CNBD1: variants seen among roughly 807,000 people sequenced by gnomAD.
The protein encoded by CNBD1 is cyclic nucleotide binding domain containing 1.
CNBD1 carries 71 observed loss-of-function variants against 54.4 expected under a neutral mutation model. That is an observed-to-expected ratio of 1.30 (90% confidence interval 1.08 to 1.59). The LOEUF (loss-of-function observed/expected upper bound fraction) is 1.59. CNBD1 is among the 40% of genes most tolerant of loss of function. The pLI is 0.00. For synonymous variants in CNBD1, 182 were observed against 170.7 expected, an observed-to-expected ratio of 1.07 and a Z score of -0.51; for missense variants, 659 against 518.0, an observed-to-expected ratio of 1.27 and a Z score of -2.64.
intron 1 of CNBD1, among the ~76,000 whole-genome samples, chr8:86,883,768 G>C (rs1808637598): frequency 6.6e-6 from 1 of 152,134 alleles, no homozygotes; most frequent in African/African-American, 2.4e-5. Context: ...AGTAAATTTG[G>C]GTTGGGGAAA....
chr8:87,087,262 C>A (rs1274423105), intron 4 of CNBD1, among the ~76,000 whole-genome samples: 1 of 135,102 alleles, frequency 7.4e-6, no homozygotes, highest in East Asian at 2.1e-4. Flanking sequence ...TATATATATA[C>A]ATATATATAT....
intron 4 of CNBD1, among the ~76,000 whole-genome samples, chr8:87,127,072 C>A (rs1812008334): frequency 6.6e-6 from 1 of 151,748 alleles, no homozygotes; most frequent in South Asian, 2.1e-4. Flanking sequence ...CTTACCATAG[C>A]TTTATAATAA....
chr8:87,206,982 A>G (rs1045006885), intron 5 of CNBD1, among the ~76,000 whole-genome samples: 4 of 152,070 alleles, frequency 2.6e-5, no homozygotes, highest in African/African-American at 9.7e-5. Flanking sequence ...GACATTTAAA[A>G]CTTAACTGGA....
chr8:87,326,788 C>G (rs1586015869), intron 8 of CNBD1, among the ~76,000 whole-genome samples: 1 of 111,934 alleles, frequency 8.9e-6, no homozygotes, highest in African/African-American at 3.3e-5. Flanking sequence ...TCATCTGAAG[C>G]CTTCTTCTCT....
intron 2 of CNBD1, among the ~76,000 whole-genome samples, chr8:87,414,862 G>T (rs911742434): frequency 6.6e-6 from 1 of 151,972 alleles, no homozygotes; most frequent in South Asian, 2.1e-4. Context: ...TTGTTTGAAT[G>T]GAGAATCCAT....
intron 1 of CNBD1, among the ~76,000 whole-genome samples, chr8:86,885,026 A>C (rs1808661291): frequency 6.6e-6 from 1 of 152,158 alleles, no homozygotes; most frequent in Non-Finnish European, 1.5e-5. Flanking sequence ...AATTGTGGCT[A>C]TGTATTTACA....
intron 4 of CNBD1, among the ~76,000 whole-genome samples, chr8:87,075,230 G>A (rs772071552): frequency 2.0e-5 from 3 of 152,120 alleles, no homozygotes; most frequent in Non-Finnish European, 2.9e-5. Flanking sequence ...CATATAGGAT[G>A]CCCATATGTT....
intron 2 of CNBD1, among the ~76,000 whole-genome samples, chr8:87,414,847 G>T (rs761453902): frequency 2.2e-4 from 33 of 151,972 alleles, no homozygotes; most frequent in Admixed American, 8.5e-4. Flanking sequence ...GCTGCTTGAG[G>T]TATGTTGTTT....
At chr8:87,211,258 T>C (rs1346382981) in intron 5 of CNBD1, among the ~76,000 whole-genome samples, 1 of 152,158 alleles carries the variant, frequency 6.6e-6, no homozygotes, top group African/African-American at 2.4e-5. Flanking sequence ...AATAGTACTT[T>C]TTGATTTTAT....
At chr8:87,078,665 G>A (rs1161814427) in intron 4 of CNBD1, among the ~76,000 whole-genome samples, 3 of 152,156 alleles carry the variant, frequency 2.0e-5, no homozygotes, top group Non-Finnish European at 4.4e-5. Context: ...GAGTCTTGAT[G>A]GCTTTGGCTC....
At chr8:86,876,244 TC>T (rs1319125043) in intron 1 of CNBD1, among the ~76,000 whole-genome samples, 8 of 151,788 alleles carry the variant, frequency 5.3e-5, no homozygotes, top group African/African-American at 1.9e-4. Flanking sequence ...TTGAGATTAT[TC>T]CCCATTTTTT....
chr8:87,337,533 C>G (rs748088386), intron 8 of CNBD1, among the ~76,000 whole-genome samples: 2 of 152,210 alleles, frequency 1.3e-5, no homozygotes, highest in Admixed American at 6.5e-5. Flanking sequence ...TGGCTTAGGC[C>G]AATTCTAGCT....
intron 4 of CNBD1, among the ~76,000 whole-genome samples, chr8:87,025,539 C>G (rs1809623514): frequency 6.6e-6 from 1 of 151,440 alleles, no homozygotes; most frequent in Non-Finnish European, 1.5e-5. Flanking sequence ...CAGCTTTACT[C>G]TTGAAATCAG....
intron 4 of CNBD1, among the ~76,000 whole-genome samples, chr8:86,988,926 T>C (rs1372173700): frequency 6.6e-6 from 1 of 152,152 alleles, no homozygotes; most frequent in East Asian, 1.9e-4. Context: ...TTTTTGTTGA[T>C]GGATAATTAG....
At chr8:86,973,175 T>G (rs947924131) in intron 4 of CNBD1, among the ~76,000 whole-genome samples, 6 of 152,180 alleles carry the variant, frequency 3.9e-5, no homozygotes, top group Admixed American at 3.9e-4. Flanking sequence ...CCTTGACAAG[T>G]CATCTGTAGT....
At chr8:87,416,401 G>C (rs1807834132) in intron 2 of CNBD1, among the ~76,000 whole-genome samples, 1 of 151,972 alleles carries the variant, frequency 6.6e-6, no homozygotes. Context: ...AAAAGTGGAT[G>C]AATGTGAGTG....
At chr8:87,086,270 G>A (rs1811094289) in intron 4 of CNBD1, among the ~76,000 whole-genome samples, 1 of 152,146 alleles carries the variant, frequency 6.6e-6, no homozygotes, top group Non-Finnish European at 1.5e-5. Context: ...TTCCTCGCAT[G>A]CTCTGTCTGC....
chr8:87,299,252 T>C (rs2130880677), intron 8 of CNBD1, among the ~76,000 whole-genome samples: 1 of 152,274 alleles, frequency 6.6e-6, no homozygotes, highest in Middle Eastern at 3.4e-3. Context: ...AGGATTATCC[T>C]TCCTTCCTCT....
intron 4 of CNBD1, among the ~76,000 whole-genome samples, chr8:86,943,212 C>T (rs1228865216): frequency 6.6e-6 from 1 of 151,698 alleles, no homozygotes; most frequent in Non-Finnish European, 1.5e-5. Context: ...GAAACTCCAT[C>T]TCTATTAAAA....
Sources: gnomAD v4.1 joint callset for allele counts (sites outside exome capture counted in the v4.1 genomes callset) on GRCh38, gnomAD v4.1.1 for gene constraint, MANE v1.5 for transcripts, NCBI Gene and HGNC (gene_info 2026-07-23, HGNC 2026-07-21) for gene names.